The following GRM8 variants were observed in gnomAD, a reference collection of about 807,000 sequenced individuals.
GRM8 encodes the protein glutamate metabotropic receptor 8, also known as metabotropic glutamate receptor 8.
GRM8 carries 47 observed loss-of-function variants against 87.2 expected under a neutral mutation model. The observed-to-expected ratio is 0.54, with a 90% CI of 0.43 to 0.69. The LOEUF (loss-of-function observed/expected upper bound fraction) is 0.69, where lower values mean the gene tolerates loss of function less well. Ranked by LOEUF, GRM8 falls within the 30% of genes least tolerant of loss-of-function variation. The pLI is 0.00. For synonymous variants in GRM8, 396 were observed against 404.5 expected, an observed-to-expected ratio of 0.98 and a Z score of 0.25; for missense variants, 1,019 against 1,139.2, an observed-to-expected ratio of 0.89 and a Z score of 1.52.
At chr7:126,714,232 C>T (rs907771249) in intron 7 of GRM8, among the ~76,000 whole-genome samples, 5 of 149,892 alleles carry the variant, frequency 3.3e-5, no homozygotes, top group East Asian at 3.9e-4. Context: ...GAGCCTAGAT[C>T]GTGCCACTCT....
At chr7:127,086,761 G>A (rs1823547617) in intron 3 of GRM8, among the ~76,000 whole-genome samples, 1 of 152,206 alleles carries the variant, frequency 6.6e-6, no homozygotes, top group Non-Finnish European at 1.5e-5. Context: ...AGGGTGCAGT[G>A]CATCTTATGG....
At chr7:126,879,628 AT>A (rs76408926) in intron 6 of GRM8, among the ~76,000 whole-genome samples, 14,063 of 152,208 alleles carry the variant, frequency 0.092, 1,165 homozygotes, top group East Asian at 0.35. Flanking sequence ...CACCACATAC[AT>A]TATCATATTT....
chr7:126,440,781 A>G (rs1160756302), intron 10 of GRM8, among the ~76,000 whole-genome samples: 1 of 152,082 alleles, frequency 6.6e-6, no homozygotes, highest in Non-Finnish European at 1.5e-5. Flanking sequence ...GCGCAAAGAC[A>G]AAATTGCCTA....
Position 126,729,154 on chromosome 7 carries a change from C to T in GRM8, c.1357+40711G>A, listed in dbSNP as rs536317983. Reference sequence around the variant, plus strand: ...GAAGTTCAGCTAGCTATTCACCCTCCCTTTGCTTCATTTTCTCACGTGGCA... The same window carrying T: ...GAAGTTCAGCTAGCTATTCACCCTCTCTTTGCTTCATTTTCTCACGTGGCA... On this transcript the variant is annotated intron_variant, in intron 7 of 10. Coordinates refer to ENST00000339582, the MANE Select transcript of GRM8 (RefSeq NM_000845.3). 2.6e-5 allele frequency among the ~76,000 whole-genome samples: 4 copies of T among 152,294 alleles called. No individual in the cohort carries two copies. The South Asian group carries it at 8.3e-4, about 32-fold the overall frequency.
intron 7 of GRM8, among the ~76,000 whole-genome samples, chr7:126,714,415 T>C (rs1585633708): frequency 2.0e-5 from 3 of 151,956 alleles, no homozygotes; most frequent in African/African-American, 7.2e-5. Context: ...ACAATAGTCC[T>C]ATCAAGGAGG....
At chr7:126,534,507 T>C (rs558025605) in intron 8 of GRM8, among the ~76,000 whole-genome samples, 1 of 152,332 alleles carries the variant, frequency 6.6e-6, no homozygotes, top group East Asian at 1.9e-4. Flanking sequence ...AACACCATGC[T>C]GAATGAGATA....
rs140135619 is a variant in GRM8, at chr7:127,147,299, A to G, written c.511-40587T>C. ...AGTAAACATGTTCCGGCCAAAGTAC[A>G]GAAAGTAAAAATGCTTCCTACTGCT... On this transcript the variant is annotated intron_variant, in intron 2 of 10. Transcript: ENST00000339582. Among the ~76,000 whole-genome samples, 6 of 152,208 alleles carry G rather than the reference A, an allele frequency of 3.9e-5. No homozygotes were observed. In the East Asian group the frequency reaches 1.2e-3, roughly 29 times the overall value.
chr7:126,616,582 C>G (rs1479434548), intron 7 of GRM8, among the ~76,000 whole-genome samples: 3 of 152,112 alleles, frequency 2.0e-5, no homozygotes, highest in Non-Finnish European at 4.4e-5. Flanking sequence ...ATCAATGAAT[C>G]CAGGAGCTGG....
At chr7:126,718,386 C>A (rs1293247544) in intron 7 of GRM8, among the ~76,000 whole-genome samples, 2 of 152,084 alleles carry the variant, frequency 1.3e-5, no homozygotes, top group African/African-American at 4.8e-5. Context: ...GGCTCAAGCT[C>A]TAGGGTGGGG....
At chr7:127,236,481 G>A (rs1474941029) in intron 2 of GRM8, among the ~76,000 whole-genome samples, 2 of 152,186 alleles carry the variant, frequency 1.3e-5, no homozygotes, top group African/African-American at 4.8e-5. Context: ...TCACAAGGTG[G>A]CAGGAAGGAG....
At chr7:126,953,773 C>A (rs1266624133) in intron 3 of GRM8, among the ~76,000 whole-genome samples, 1 of 152,076 alleles carries the variant, frequency 6.6e-6, no homozygotes, top group East Asian at 1.9e-4. Flanking sequence ...CTAATTAATA[C>A]CTCTCTCTTC....
intron 3 of GRM8, among the ~76,000 whole-genome samples, chr7:126,950,423 A>C (rs917297398): frequency 7.2e-5 from 11 of 152,210 alleles, no homozygotes; most frequent in Non-Finnish European, 5.9e-5. Context: ...AAGAATTGGT[A>C]CTAGTATATT....
At chr7:126,925,744 C>G (rs530582545) in intron 3 of GRM8, among the ~76,000 whole-genome samples, 1 of 152,286 alleles carries the variant, frequency 6.6e-6, no homozygotes, top group Non-Finnish European at 1.5e-5. Context: ...TAAGTCTTGG[C>G]ACACAGTCAT....
intron 7 of GRM8, among the ~76,000 whole-genome samples, chr7:126,686,526 G>A (rs915718143): frequency 1.3e-5 from 2 of 152,126 alleles, no homozygotes; most frequent in African/African-American, 2.4e-5. Context: ...GCATTCGCTG[G>A]TGCCAGCTGG....
intron 7 of GRM8, among the ~76,000 whole-genome samples, chr7:126,689,377 A>G (rs555630658): frequency 1.3e-5 from 2 of 152,316 alleles, no homozygotes; most frequent in East Asian, 3.9e-4. Flanking sequence ...GCCAACAACA[A>G]TAAGTTATTG....
intron 9 of GRM8, among the ~76,000 whole-genome samples, chr7:126,483,644 C>T (rs955674965): frequency 2.0e-5 from 3 of 151,238 alleles, no homozygotes; most frequent in African/African-American, 7.3e-5. Flanking sequence ...ATTTCCAAAA[C>T]ACTTATAACT....
intron 6 of GRM8, among the ~76,000 whole-genome samples, chr7:126,803,950 A>C (rs939199621): frequency 1.3e-5 from 2 of 152,244 alleles, no homozygotes; most frequent in African/African-American, 4.8e-5. Flanking sequence ...TCATGACTTA[A>C]TGCAAGTCCC....
chr7:126,493,622 A>T (rs557319178), intron 9 of GRM8, among the ~76,000 whole-genome samples: 5 of 152,106 alleles, frequency 3.3e-5, no homozygotes, highest in South Asian at 2.1e-4. Flanking sequence ...CCTTTGACTA[A>T]CGCAGCCTCC....
At chr7:127,222,175 G>A (rs1004916004) in intron 2 of GRM8, among the ~76,000 whole-genome samples, 2 of 152,196 alleles carry the variant, frequency 1.3e-5, no homozygotes, top group Non-Finnish European at 2.9e-5. Flanking sequence ...GGAGGCCAAG[G>A]CAGGTGGATC....
Sources: allele counts gnomAD v4.1 joint callset (sites outside exome capture counted in the v4.1 genomes callset), GRCh38; gene constraint gnomAD v4.1.1; transcripts MANE v1.5; gene names NCBI Gene and HGNC (gene_info 2026-07-23, HGNC 2026-07-21).